Variants in MTMR10 observed in about 807,000 individuals in gnomAD.
The protein encoded by MTMR10 is myotubularin related protein 10, also known as myotubularin-related protein 10.
In MTMR10, 56 loss-of-function variants were observed where a neutral mutation model predicts 88.1. That is an observed-to-expected ratio of 0.64 (90% CI 0.51 to 0.79). MTMR10 has a LOEUF of 0.79. Among genes scored for constraint, MTMR10 ranks in the 30% least tolerant of loss-of-function variants. The probability of loss-of-function intolerance (pLI) is 0.00; values close to 1 mark genes in which losing one functional copy is unlikely to be tolerated. For synonymous variants in MTMR10, 380 were observed against 340.9 expected (o/e 1.11, Z -1.26); for missense variants, 883 against 924.7 (o/e 0.95, Z 0.58).
rs548799254 is a variant in MTMR10 at position 30,986,578 on chromosome 15, A to G, written c.121+4199T>C. ...ATTTAACAAAAAAAGTATCTATTCC[A>G]AGTAAGTTAGAAGAACATAATCTCA... On this transcript the variant is annotated intron_variant, in intron 2 of 15. Transcript: ENST00000435680. 4.0e-4 allele frequency among the ~76,000 whole-genome samples: 61 copies of G among 152,364 alleles called. 1 individual carries two copies. The Middle Eastern group carries it at 0.024, about 59-fold the overall frequency.
chr15:30,977,347 T>C (rs2030229199), intron 2 of MTMR10, among the ~76,000 whole-genome samples: 1 of 152,228 alleles, frequency 6.6e-6, no homozygotes, highest in South Asian at 2.1e-4. Context: ...ACTTGATCTC[T>C]CAAACCAATG....
chr15:30,987,489 T>C (rs1215373026), intron 2 of MTMR10, among the ~76,000 whole-genome samples: 1 of 152,234 alleles, frequency 6.6e-6, no homozygotes, highest in Non-Finnish European at 1.5e-5. Flanking sequence ...GAGGATCATT[T>C]TGAAATTAGG....
At chr15:30,929,615 A>AC in the MTMR10 span, among the ~76,000 whole-genome samples, 7 of 129,826 alleles carry the variant, frequency 5.4e-5, 1 homozygote, top group Non-Finnish European at 1.1e-4. Flanking sequence ...TTACATATAT[A>AC]ATATATATTA....
chr15:30,974,465 G>GA lies in MTMR10; in HGVS notation c.332-10dup, dbSNP rs768107913. ...CCTCTTGTGGTCGTTTACTAAAAAA[G>GA]AAAAAAAAATAGAGAAAATAAAATG... is the stretch of plus-strand genomic sequence containing the variant. On this transcript the variant is annotated splice_polypyrimidine_tract_variant and intron_variant, in intron 4 of 15. Coordinates refer to ENST00000435680, the MANE Select transcript of MTMR10 (RefSeq NM_017762.3). 8.5e-4 allele frequency: 1,243 copies of GA among 1,455,654 alleles called. No homozygotes were observed. Among genetic ancestry groups the GA allele is most frequent in the South Asian group, 2.4e-3 (158 of 67,026 alleles). The allele number at this position is 1,455,654 out of a possible 1,614,324, so 90.2% of individuals were successfully genotyped here.
At chr15:30,921,698 A>T in the MTMR10 span, among the ~76,000 whole-genome samples, 1 of 152,184 alleles carries the variant, frequency 6.6e-6, no homozygotes, top group Non-Finnish European at 1.5e-5. Context: ...ATCATTCCAT[A>T]TTACAAAGAC....
chr15:30,944,158 G>T (rs2063131941), intron 14 of MTMR10: 1 of 291,602 alleles, frequency 3.4e-6, no homozygotes, highest in Non-Finnish European at 5.1e-6. Flanking sequence ...GTGGCGGCTT[G>T]AATCATCAAG....
At chr15:30,981,648 C>T (rs146787710) in intron 2 of MTMR10, among the ~76,000 whole-genome samples, 23 of 152,270 alleles carry the variant, frequency 1.5e-4, no homozygotes, top group African/African-American at 5.3e-4. Flanking sequence ...TCTGAAATTA[C>T]GTCTACATTT....
At chr15:30,948,611 T>C (rs1456209256) in intron 12 of MTMR10, 140 bp from the exon 13 acceptor site, 1 of 754,880 alleles carries the variant, frequency 1.3e-6, no homozygotes, top group Non-Finnish European at 2.1e-6. Flanking sequence ...TTTACTGGAT[T>C]CCAGCAACTC....
Position 30,940,884 on chromosome 15 carries a change from G to A in MTMR10, c.*586C>T. On this transcript the variant is annotated 3_prime_UTR_variant, in exon 16 of 16. Transcript: ENST00000435680. ...AATTAACAGTGCATATCATTTTAAA[G>A]TTGACCCTATGAAGTTAAAAGCAAA... 1 of 1,017,020 alleles carries A rather than the reference G, an allele frequency of 9.8e-7. No homozygotes were observed. The highest frequency in any genetic ancestry group is 1.2e-6 in the Non-Finnish European group (1 of 848,984). The allele number at this position is 1,017,020 out of a possible 1,614,324, so 63.0% of individuals were successfully genotyped here. A position where few individuals can be genotyped will look rare whatever the true frequency, so the allele number is the denominator to read the frequency against.
At chr15:30,925,894 G>A in the MTMR10 span, 12 of 1,614,230 alleles carry the variant, frequency 7.4e-6, no homozygotes, top group Non-Finnish European at 1.0e-5. Context: ...GTGCTCTGTG[G>A]AGGAGCTGGC....
At chr15:30,929,706 A>G in the MTMR10 span, among the ~76,000 whole-genome samples, 2 of 102,754 alleles carry the variant, frequency 1.9e-5, 1 homozygote, top group Non-Finnish European at 3.5e-5. Flanking sequence ...TATATATTAT[A>G]TCATATATAA....
In MTMR10 at chr15:30,941,699, C is replaced by G; in HGVS notation, c.2105G>C (p.Gly702Ala). The G allele has an allele frequency of 1.9e-6, 3 of 1,613,828 alleles. No individual in the cohort carries two copies. The highest frequency in any genetic ancestry group is 2.5e-6 in the Non-Finnish European group (3 of 1,179,810). The change falls in exon 16 of 16, where the codon GGC becomes GCC. Residue 702 changes from glycine (G) to alanine (A), a missense_variant. By Grantham distance (60) the Gly-to-Ala change is moderately conservative. Coordinates refer to ENST00000435680, the MANE Select transcript of MTMR10 (RefSeq NM_017762.3). Reference sequence around the variant, plus strand: ...CTCCCCATAGCAGGCCTCCAGGGGGCCACTGCGCTGTTGCCGCAGCATCCT... The same window carrying G: ...CTCCCCATAGCAGGCCTCCAGGGGGGCACTGCGCTGTTGCCGCAGCATCCT... ...LSRMLRQQRS[G>A]PLEACYGELG...
the MTMR10 span, chr15:30,928,063 C>T: frequency 7.0e-6 from 7 of 998,318 alleles, no homozygotes; most frequent in Non-Finnish European, 7.2e-6. Flanking sequence ...CAGAGCAGCA[C>T]CTGCTGAGGC....
At chr15:30,928,506 T>TTG in the MTMR10 span, 102,641 of 1,450,806 alleles carry the variant, frequency 0.071, 450 homozygotes, top group East Asian at 0.27. Context: ...AAAACAGATT[T>TTG]TGTGTGTGTG....
intron 4 of MTMR10, 70 bp downstream of exon 4, chr15:30,974,860 GA>G: frequency 9.3e-7 from 1 of 1,078,292 alleles, no homozygotes; most frequent in Non-Finnish European, 1.3e-6. Context: ...AGTATTTTGA[GA>G]GGTATGACTT....
Position 30,955,416 on chromosome 15 carries a change from A to C in MTMR10, c.936-523T>G, listed in dbSNP as rs867815022. 2.0e-5 allele frequency among the ~76,000 whole-genome samples: 3 copies of C among 152,016 alleles called. No homozygotes were observed. In the South Asian group the frequency reaches 6.2e-4, roughly 32 times the overall value. On this transcript the variant is annotated intron_variant, in intron 9 of 15. Transcript: ENST00000435680. ...CTCCCGAGTAGTTGGGATTACAGGC[A>C]CCCGCCACCACACCTGGCTAAATTT...
At chr15:30,929,093 AAG>A in the MTMR10 span, 3 of 897,324 alleles carry the variant, frequency 3.3e-6, no homozygotes, top group Admixed American at 9.3e-5. Flanking sequence ...TTTTGAGAGA[AAG>A]AATGTATCGG....
chr15:30,924,136 CAT>C, the MTMR10 span, among the ~76,000 whole-genome samples: 1 of 152,234 alleles, frequency 6.6e-6, no homozygotes, highest in South Asian at 2.1e-4. Context: ...TGCTCAGCAT[CAT>C]GTTTCTGAGC....
At chr15:30,961,170 T>A (rs1449440631) in intron 6 of MTMR10, 97 bp from the exon 7 acceptor site, 1 of 1,434,292 alleles carries the variant, frequency 7.0e-7, no homozygotes, top group African/African-American at 1.4e-5. Context: ...TCTGATGTGC[T>A]GTCTCTAACC....
Sources: allele counts gnomAD v4.1 joint callset (sites outside exome capture counted in the v4.1 genomes callset), GRCh38; gene constraint gnomAD v4.1.1; transcripts MANE v1.5; gene names NCBI Gene and HGNC (gene_info 2026-07-23, HGNC 2026-07-21).